DYM: variants seen among roughly 807,000 people sequenced by gnomAD.
DYM encodes dyggve-Melchior-Clausen syndrome protein.
In DYM, 78 loss-of-function variants were observed where a neutral mutation model predicts 93.1. The ratio of observed to expected loss-of-function variants is 0.84; its 90% confidence interval spans 0.70 to 1.01. DYM has a LOEUF of 1.01. Among genes scored for constraint, DYM ranks in the 50% least tolerant of loss-of-function variants. The pLI is 0.00. For synonymous variants in DYM, 321 were observed against 319.7 expected (o/e 1.00, Z -0.04); for missense variants, 789 against 845.0 (o/e 0.93, Z 0.82).
At chr18:49,332,213 T>C (rs2063358148) in intron 7 of DYM, among the ~76,000 whole-genome samples, 1 of 152,214 alleles carries the variant, frequency 6.6e-6, no homozygotes. Flanking sequence ...CTTTTCCTCT[T>C]ATCACATCAT....
At chr18:49,196,438 TAC>T (rs35296321) in intron 14 of DYM, among the ~76,000 whole-genome samples, 34,987 of 150,064 alleles carry the variant, frequency 0.23, 4,234 homozygotes, top group East Asian at 0.38. Context: ...GATCAGTGGT[TAC>T]ACACACACAC....
Position 49,175,905 on chromosome 18 carries a change from G to A in DYM, c.1626-12118C>T, listed in dbSNP as rs1400034719. On this transcript the variant is annotated intron_variant, in intron 14 of 17. Transcript: ENST00000675505. ...GGTTCCCACCAAAAGGGCACACCCT[G>A]CATTGTAACTGGAGAAGCCAATCCT... is the stretch of plus-strand genomic sequence containing the variant. Among the ~76,000 whole-genome samples the A allele has an allele frequency of 3.9e-5, 6 of 152,268 alleles. No homozygotes were observed. The East Asian group carries it at 5.8e-4, about 15-fold the overall frequency.
intron 1 of DYM, among the ~76,000 whole-genome samples, chr18:49,449,860 C>T: frequency 6.6e-6 from 1 of 152,164 alleles, no homozygotes; most frequent in East Asian, 1.9e-4. Flanking sequence ...CTGACTTTGT[C>T]TGGGTCCTAG....
chr18:49,326,381 T>C (rs2062878549), intron 8 of DYM, among the ~76,000 whole-genome samples: 1 of 151,970 alleles, frequency 6.6e-6, no homozygotes, highest in African/African-American at 2.4e-5. Flanking sequence ...GCACCTAGCA[T>C]AGATATAACA....
intron 17 of DYM, among the ~76,000 whole-genome samples, chr18:49,094,330 G>T (rs1171326702): frequency 6.6e-6 from 1 of 152,148 alleles, no homozygotes; most frequent in Non-Finnish European, 1.5e-5. Context: ...AACATGCCCT[G>T]TTGTGGATAC....
At chr18:49,374,908 G>A (rs565331257) in intron 5 of DYM, among the ~76,000 whole-genome samples, 9 of 151,486 alleles carry the variant, frequency 5.9e-5, no homozygotes, top group East Asian at 1.9e-4. Context: ...GCAGTGAGCC[G>A]AGATCGTTCC....
intron 13 of DYM, among the ~76,000 whole-genome samples, chr18:49,245,611 C>T (rs141973491): frequency 9.8e-5 from 15 of 152,314 alleles, no homozygotes; most frequent in East Asian, 7.7e-4. Flanking sequence ...TCTCTGCTCT[C>T]GAACCCTATT....
chr18:49,281,037 T>G (rs2094959689), intron 10 of DYM, among the ~76,000 whole-genome samples: 1 of 152,086 alleles, frequency 6.6e-6, no homozygotes, highest in South Asian at 2.1e-4. Flanking sequence ...GGGAGAAAAT[T>G]TTTGCAATCT....
intron 1 of DYM, among the ~76,000 whole-genome samples, chr18:49,453,375 G>A (rs1187020002): frequency 4.6e-5 from 7 of 152,064 alleles, no homozygotes; most frequent in East Asian, 1.9e-4. Context: ...TTGTTCTTTC[G>A]CTCTTTGCAA....
chr18:49,382,192 A>T (rs77286097), intron 3 of DYM, among the ~76,000 whole-genome samples: 1 of 152,306 alleles, frequency 6.6e-6, no homozygotes, highest in East Asian at 1.9e-4. Flanking sequence ...CGACTACTTG[A>T]TTGATGTAAT....
At chr18:49,063,188 C>G (rs149158829) in intron 17 of DYM, among the ~76,000 whole-genome samples, 1 of 152,288 alleles carries the variant, frequency 6.6e-6, no homozygotes, top group Non-Finnish European at 1.5e-5. Context: ...GAGATTATTA[C>G]ATTCTCTGCC....
At chr18:49,344,058 T>G (rs938262709) in intron 6 of DYM, among the ~76,000 whole-genome samples, 1 of 152,120 alleles carries the variant, frequency 6.6e-6, no homozygotes, top group African/African-American at 2.4e-5. Flanking sequence ...TTACTCAAAG[T>G]AGCCCATGCC....
intron 1 of DYM, among the ~76,000 whole-genome samples, chr18:49,441,138 ATATTATATAATATAATAT>A (rs2081464016): frequency 3.1e-4 from 1 of 3,198 alleles, no homozygotes; most frequent in Non-Finnish European, 9.7e-4. Context: ...TTATATAAAT[ATATTATATAATATAATAT>A]ATATTATATA....
In DYM at chr18:49,039,009, C is replaced by T. The variant is rs2070806665; in HGVS notation, c.*5046G>A. Among the ~76,000 whole-genome samples, 1 of 152,116 alleles carries T rather than the reference C, an allele frequency of 6.6e-6. No homozygotes were observed. The highest frequency in any genetic ancestry group is 6.5e-5 in the Admixed American group (1 of 15,270). On this transcript the variant is annotated 3_prime_UTR_variant, in exon 18 of 18. Coordinates refer to ENST00000675505, the MANE Select transcript of DYM (RefSeq NM_001353214.3). ...CAATATTTATGTGTCATTTTCATTGCTCTTCAATCTTTCCTAGGGCTCTGT... is the reference window on the plus strand; with the variant it reads ...CAATATTTATGTGTCATTTTCATTGTTCTTCAATCTTTCCTAGGGCTCTGT...
At chr18:49,459,337 G>A (rs1156469908) in intron 1 of DYM, among the ~76,000 whole-genome samples, 4 of 152,120 alleles carry the variant, frequency 2.6e-5, no homozygotes, top group Non-Finnish European at 5.9e-5. Flanking sequence ...CCAAGTTGCT[G>A]AGAGGATTAT....
intron 13 of DYM, among the ~76,000 whole-genome samples, chr18:49,250,768 T>A (rs2094268859): frequency 6.6e-6 from 1 of 152,182 alleles, no homozygotes; most frequent in Admixed American, 6.5e-5. Context: ...TGCCTCAACT[T>A]TTTTCTAGTT....
At chr18:49,333,638 G>T (rs1408193615) in intron 7 of DYM, 90 bp downstream of exon 7, 2 of 1,357,900 alleles carry the variant, frequency 1.5e-6, no homozygotes, top group East Asian at 4.7e-5. Flanking sequence ...CCTGGTTGGA[G>T]ATATGGGACG....
intron 8 of DYM, among the ~76,000 whole-genome samples, chr18:49,288,608 G>A (rs1326276207): frequency 8.6e-5 from 13 of 151,794 alleles, no homozygotes; most frequent in African/African-American, 1.9e-4. Flanking sequence ...GTGAAACCCC[G>A]TCTCTACTAA....
At chr18:49,072,024 T>C (rs1477197819) in intron 17 of DYM, among the ~76,000 whole-genome samples, 1 of 152,194 alleles carries the variant, frequency 6.6e-6, no homozygotes, top group Non-Finnish European at 1.5e-5. Context: ...CAGACTGGCC[T>C]ACAACAGAAT....
Sources: allele counts gnomAD v4.1 joint callset (sites outside exome capture counted in the v4.1 genomes callset), GRCh38; gene constraint gnomAD v4.1.1; transcripts MANE v1.5; gene names NCBI Gene and HGNC (gene_info 2026-07-23, HGNC 2026-07-21).